Variants in ZFPM2 observed in about 807,000 individuals in gnomAD.
ZFPM2 encodes zinc finger protein ZFPM2.
ZFPM2 carries 20 observed loss-of-function variants against 98.6 expected under a neutral mutation model. The observed-to-expected ratio is 0.20, with a 90% confidence interval of 0.14 to 0.29. The LOEUF (loss-of-function observed/expected upper bound fraction) is 0.29, where lower values mean the gene tolerates loss of function less well. Ranked by LOEUF, ZFPM2 falls within the 10% of genes least tolerant of loss-of-function variation. The probability of loss-of-function intolerance (pLI) is 1.00; values close to 1 mark genes in which losing one functional copy is unlikely to be tolerated. For synonymous variants in ZFPM2, 518 were observed against 502.7 expected, an observed-to-expected ratio of 1.03 and a Z score of -0.41; for missense variants, 1,310 against 1,388.6, an observed-to-expected ratio of 0.94 and a Z score of 0.90.
chr8:105,614,746 C>T (rs888402287), intron 4 of ZFPM2, among the ~76,000 whole-genome samples: 1 of 151,982 alleles, frequency 6.6e-6, no homozygotes, highest in Non-Finnish European at 1.5e-5. Flanking sequence ...TTTCTCCTTC[C>T]CCCCAAATCT....
chr8:105,675,733 C>A (rs1810432900), intron 5 of ZFPM2, among the ~76,000 whole-genome samples: 1 of 152,072 alleles, frequency 6.6e-6, no homozygotes, highest in Non-Finnish European at 1.5e-5. Flanking sequence ...AAATATCAGG[C>A]CACTAGATTT....
intron 3 of ZFPM2, among the ~76,000 whole-genome samples, chr8:105,450,966 A>T (rs1229104377): frequency 6.6e-6 from 1 of 151,818 alleles, no homozygotes; most frequent in Non-Finnish European, 1.5e-5. Context: ...ATTAGGACAG[A>T]CATAAACACA....
chr8:105,788,327 A>ATAAC (rs1410156772), intron 5 of ZFPM2, among the ~76,000 whole-genome samples: 1 of 152,230 alleles, frequency 6.6e-6, no homozygotes, highest in East Asian at 1.9e-4. Context: ...TATAGAAAGA[A>ATAAC]TAACTCCAAA....
chr8:105,641,765 G>A (rs1816952520), intron 5 of ZFPM2, among the ~76,000 whole-genome samples: 1 of 152,008 alleles, frequency 6.6e-6, no homozygotes, highest in Admixed American at 6.6e-5. Context: ...AAATACATTT[G>A]TTTTTATATC....
rs370863553 is a variant in ZFPM2, at chr8:105,739,034, T to C, written c.533-49684T>C. Among the ~76,000 whole-genome samples the C allele has an allele frequency of 3.6e-3, 546 of 152,078 alleles. 2 individuals are homozygous for C. The highest frequency in any genetic ancestry group is 6.8e-3 in the Middle Eastern group (2 of 292). On this transcript the variant is annotated intron_variant, in intron 5 of 7. Coordinates refer to ENST00000407775, the MANE Select transcript of ZFPM2 (RefSeq NM_012082.4). Reference sequence around the variant, plus strand: ...TCACACCGGATTAGAATATGAAGTGTTTATTGGCAGCAGGCACACTGACAA... The same window carrying C: ...TCACACCGGATTAGAATATGAAGTGCTTATTGGCAGCAGGCACACTGACAA...
intron 5 of ZFPM2, among the ~76,000 whole-genome samples, chr8:105,698,445 G>A (rs1323942818): frequency 5.3e-5 from 8 of 152,294 alleles, no homozygotes; most frequent in Non-Finnish European, 1.5e-5. Flanking sequence ...TTAAATTCAT[G>A]TATCATTTGT....
At chr8:105,649,221 A>G (rs201266877) in intron 5 of ZFPM2, among the ~76,000 whole-genome samples, 106 of 152,232 alleles carry the variant, frequency 7.0e-4, no homozygotes, top group African/African-American at 2.3e-3. Flanking sequence ...TTTTTGCACA[A>G]TGATTTTTGT....
chr8:105,394,902 G>A (rs1811190778), intron 1 of ZFPM2, among the ~76,000 whole-genome samples: 1 of 152,208 alleles, frequency 6.6e-6, no homozygotes, highest in Non-Finnish European at 1.5e-5. Flanking sequence ...ATGCCTGTTT[G>A]TGCCAGTATG....
At chr8:105,429,347 A>T (rs1454088682) in intron 2 of ZFPM2, among the ~76,000 whole-genome samples, 1 of 151,908 alleles carries the variant, frequency 6.6e-6, no homozygotes, top group Non-Finnish European at 1.5e-5. Flanking sequence ...AGGCAGAAAG[A>T]GGACTACATA....
chr8:105,471,112 G>T (rs1164292364), intron 3 of ZFPM2, among the ~76,000 whole-genome samples: 1 of 152,070 alleles, frequency 6.6e-6, no homozygotes, highest in Non-Finnish European at 1.5e-5. Context: ...AGCTTCGTTT[G>T]GTTCATGATT....
intron 5 of ZFPM2, among the ~76,000 whole-genome samples, chr8:105,660,998 G>T (rs1456545774): frequency 6.6e-6 from 1 of 152,148 alleles, no homozygotes; most frequent in African/African-American, 2.4e-5. Flanking sequence ...CAGCAGGTGG[G>T]CTGGGGACCA....
chr8:105,382,638 G>T (rs1163547001), intron 1 of ZFPM2, among the ~76,000 whole-genome samples: 1 of 152,044 alleles, frequency 6.6e-6, no homozygotes, highest in Non-Finnish European at 1.5e-5. Context: ...TCTAGAATGG[G>T]GGAAGAAAGT....
At chr8:105,613,754 C>T (rs766935455) in intron 4 of ZFPM2, among the ~76,000 whole-genome samples, 68 of 151,986 alleles carry the variant, frequency 4.5e-4, no homozygotes, top group Non-Finnish European at 6.2e-4. Context: ...AACTTGGCCA[C>T]GTTTCAGAGC....
intron 5 of ZFPM2, among the ~76,000 whole-genome samples, chr8:105,731,605 T>A (rs935778034): frequency 6.6e-6 from 1 of 151,642 alleles, no homozygotes; most frequent in Non-Finnish European, 1.5e-5. Context: ...TAGGTTAACA[T>A]CTTATGATTA....
intron 1 of ZFPM2, among the ~76,000 whole-genome samples, chr8:105,345,076 G>A (rs1475539891): frequency 1.3e-5 from 2 of 152,032 alleles, no homozygotes; most frequent in Non-Finnish European, 2.9e-5. Flanking sequence ...ACATCTTATT[G>A]ATTAGACAAG....
intron 3 of ZFPM2, among the ~76,000 whole-genome samples, chr8:105,454,477 T>C (rs1456855916): frequency 6.6e-6 from 1 of 152,232 alleles, no homozygotes; most frequent in Non-Finnish European, 1.5e-5. Flanking sequence ...AAGTGTGTGA[T>C]GTACTATGTG....
chr8:105,408,907 T>A (rs1182346631), intron 1 of ZFPM2, among the ~76,000 whole-genome samples: 3 of 151,856 alleles, frequency 2.0e-5, no homozygotes, highest in Non-Finnish European at 4.4e-5. Flanking sequence ...TGTCATTTTG[T>A]TAGCCACGTA....
chr8:105,677,363 A>C (rs747416995), intron 5 of ZFPM2, among the ~76,000 whole-genome samples: 3 of 152,246 alleles, frequency 2.0e-5, no homozygotes, highest in South Asian at 2.1e-4. Context: ...GAGGTTTAGT[A>C]AATTGCCCAA....
At chr8:105,607,855 G>T (rs993914148) in intron 4 of ZFPM2, among the ~76,000 whole-genome samples, 2 of 152,044 alleles carry the variant, frequency 1.3e-5, no homozygotes, top group Admixed American at 1.3e-4. Context: ...TTACCTGGAG[G>T]AATATCAGTT....
Sources: allele counts gnomAD v4.1 joint callset (sites outside exome capture counted in the v4.1 genomes callset), GRCh38; gene constraint gnomAD v4.1.1; transcripts MANE v1.5; gene names NCBI Gene and HGNC (gene_info 2026-07-23, HGNC 2026-07-21).